The following GPC6 variants were observed in gnomAD, a reference collection of about 807,000 sequenced individuals.
GPC6 encodes glypican 6, also known as glypican-6.
GPC6 carries 14 observed loss-of-function variants against 55.2 expected under a neutral mutation model. That is an observed-to-expected ratio of 0.25 (90% CI 0.17 to 0.40). The LOEUF (loss-of-function observed/expected upper bound fraction) is 0.40, where lower values mean the gene tolerates loss of function less well. Among genes scored for constraint, GPC6 ranks in the 10% least tolerant of loss-of-function variants. The probability of loss-of-function intolerance (pLI) is 1.00; values close to 1 mark genes in which losing one functional copy is unlikely to be tolerated. For synonymous variants in GPC6, 278 were observed against 259.6 expected, an observed-to-expected ratio of 1.07 and a Z score of -0.68; for missense variants, 641 against 708.5, an observed-to-expected ratio of 0.90 and a Z score of 1.08.
chr13:93,488,456 A>G (rs900284841), intron 1 of GPC6, among the ~76,000 whole-genome samples: 5 of 152,238 alleles, frequency 3.3e-5, no homozygotes, highest in African/African-American at 9.6e-5. Context: ...TTATAGCAGC[A>G]TGATTTATAA....
chr13:93,927,741 G>T (rs1156914113), intron 3 of GPC6, among the ~76,000 whole-genome samples: 1 of 149,900 alleles, frequency 6.7e-6, no homozygotes, highest in Non-Finnish European at 1.5e-5. Context: ...TACTTCCTTA[G>T]ATAGCAGTGA....
At chr13:93,474,312 T>G (rs933208666) in intron 1 of GPC6, among the ~76,000 whole-genome samples, 6 of 152,112 alleles carry the variant, frequency 3.9e-5, no homozygotes, top group African/African-American at 1.4e-4. Context: ...CTTCTCAAGG[T>G]TTTTAGTGTG....
chr13:93,558,979 C>A (rs1232984420), intron 2 of GPC6, among the ~76,000 whole-genome samples: 1 of 152,086 alleles, frequency 6.6e-6, no homozygotes, highest in Non-Finnish European at 1.5e-5. Flanking sequence ...TATATGTGGC[C>A]ACTACAATAG....
chr13:94,262,976 C>T (rs1165332248), intron 4 of GPC6, among the ~76,000 whole-genome samples: 1 of 152,218 alleles, frequency 6.6e-6, no homozygotes, highest in Non-Finnish European at 1.5e-5. Flanking sequence ...CTCTGCCTAA[C>T]TATATGGCCA....
intron 5 of GPC6, among the ~76,000 whole-genome samples, chr13:94,297,524 T>C (rs1315987924): frequency 6.6e-6 from 1 of 152,182 alleles, no homozygotes; most frequent in Non-Finnish European, 1.5e-5. Flanking sequence ...GGAGGAAATA[T>C]CAAGGTGTTT....
At chr13:93,223,969 G>C (rs1875689212), upstream of GPC6, among the ~76,000 whole-genome samples, 1 of 142,946 alleles carries the variant, frequency 7.0e-6, no homozygotes, top group Non-Finnish European at 1.5e-5. Flanking sequence ...GCGGGATCTC[G>C]GCTCACTGCA....
intron 3 of GPC6, among the ~76,000 whole-genome samples, chr13:93,866,813 C>A (rs1217966904): frequency 2.0e-5 from 3 of 151,580 alleles, no homozygotes; most frequent in Non-Finnish European, 4.4e-5. Context: ...TATCACAAAC[C>A]CCCATTACGT....
intron 1 of GPC6, among the ~76,000 whole-genome samples, chr13:93,353,341 C>T (rs1348196449): frequency 6.6e-6 from 1 of 152,182 alleles, no homozygotes; most frequent in East Asian, 1.9e-4. Flanking sequence ...AACACTCCAA[C>T]AGGGCCTCAG....
chr13:93,303,304 A>C (rs1415517375), intron 1 of GPC6, among the ~76,000 whole-genome samples: 1 of 152,148 alleles, frequency 6.6e-6, no homozygotes, highest in African/African-American at 2.4e-5. Flanking sequence ...CAGGCCACTT[A>C]CTCAGTTTAC....
At chr13:93,669,087 T>A (rs1881257204) in intron 2 of GPC6, among the ~76,000 whole-genome samples, 1 of 152,188 alleles carries the variant, frequency 6.6e-6, no homozygotes, top group South Asian at 2.1e-4. Flanking sequence ...ACAATCACCA[T>A]TTTTTATAAA....
intron 2 of GPC6, among the ~76,000 whole-genome samples, chr13:93,591,497 T>C (rs1877485784): frequency 6.6e-6 from 1 of 151,816 alleles, no homozygotes; most frequent in Admixed American, 6.6e-5. Flanking sequence ...GAAATCATCT[T>C]GTTTCGTATC....
At chr13:94,030,888 T>G (rs1026239498) in intron 4 of GPC6, among the ~76,000 whole-genome samples, 1 of 152,148 alleles carries the variant, frequency 6.6e-6, no homozygotes, top group Non-Finnish European at 1.5e-5. Context: ...TTGAAAGTGG[T>G]TAGTGACTGT....
intron 1 of GPC6, among the ~76,000 whole-genome samples, chr13:93,531,712 A>G (rs1295348961): frequency 6.6e-6 from 1 of 152,196 alleles, no homozygotes; most frequent in East Asian, 1.9e-4. Flanking sequence ...CATTTTATTT[A>G]TTAAGTCCAA....
At chr13:93,992,816 A>G (rs1042406144) in intron 3 of GPC6, among the ~76,000 whole-genome samples, 28 of 152,338 alleles carry the variant, frequency 1.8e-4, no homozygotes, top group African/African-American at 6.3e-4. Context: ...CGGTGTATAG[A>G]AAATTTAGAG....
intron 2 of GPC6, among the ~76,000 whole-genome samples, chr13:93,602,298 A>G (rs1878049471): frequency 6.6e-6 from 1 of 152,204 alleles, no homozygotes; most frequent in African/African-American, 2.4e-5. Context: ...CAATACAAAT[A>G]CTGTTTTGGG....
intron 4 of GPC6, among the ~76,000 whole-genome samples, chr13:94,261,206 C>T (rs1012338557): frequency 1.4e-4 from 22 of 152,074 alleles, no homozygotes; most frequent in African/African-American, 5.3e-4. Context: ...ACCCAGGGGG[C>T]GGAGGTTGCA....
intron 3 of GPC6, among the ~76,000 whole-genome samples, chr13:93,872,266 A>T (rs1490817031): frequency 2.0e-5 from 3 of 152,004 alleles, no homozygotes; most frequent in Non-Finnish European, 4.4e-5. Flanking sequence ...AGAAACACCC[A>T]AATGGATTTT....
rs145277071 is a variant in GPC6, at chr13:93,891,878, T to G, written c.711+61333T>G. ...AGTGTGTATGTGTATATATAGTGTGTGTGTATATTGTGTGTATAGTGTGTG... is the reference window on the plus strand; with the variant it reads ...AGTGTGTATGTGTATATATAGTGTGGGTGTATATTGTGTGTATAGTGTGTG... On this transcript the variant is annotated intron_variant, in intron 3 of 8. Transcript: ENST00000377047. Among the ~76,000 whole-genome samples, 749 of 152,098 alleles carry G rather than the reference T, an allele frequency of 4.9e-3. 11 individuals carry two copies. The highest frequency in any genetic ancestry group is 0.017 in the African/African-American group (719 of 41,514).
Position 93,995,422 on chromosome 13 carries a change from A to G in GPC6, c.712-32307A>G, listed in dbSNP as rs562191594. On this transcript the variant is annotated intron_variant, in intron 3 of 8. Transcript: ENST00000377047. Reference sequence around the variant, plus strand: ...AGGCTGGTCTCGATCTCCTAACCTCAAGTGATCCGTCCACCTTGGCCTCCC... The same window carrying G: ...AGGCTGGTCTCGATCTCCTAACCTCGAGTGATCCGTCCACCTTGGCCTCCC... Among the ~76,000 whole-genome samples the G allele has an allele frequency of 1.1e-4, 17 of 152,060 alleles. No homozygotes were observed. In the South Asian group the frequency reaches 2.9e-3, roughly 26 times the overall value.
Sources: gnomAD v4.1 joint callset for allele counts (sites outside exome capture counted in the v4.1 genomes callset) on GRCh38, gnomAD v4.1.1 for gene constraint, MANE v1.5 for transcripts, NCBI Gene and HGNC (gene_info 2026-07-23, HGNC 2026-07-21) for gene names.